MGAT5: variants seen among roughly 807,000 people sequenced by gnomAD.
MGAT5 encodes the protein alpha-1,6-mannosylglycoprotein 6-beta-N-acetylglucosaminyltransferase A.
MGAT5 carries 30 observed loss-of-function variants against 94.3 expected under a neutral mutation model. The observed-to-expected ratio is 0.32, with a 90% CI of 0.24 to 0.43. The LOEUF (loss-of-function observed/expected upper bound fraction) is 0.43, where lower values mean the gene tolerates loss of function less well. Ranked by LOEUF, MGAT5 falls within the 20% of genes least tolerant of loss-of-function variation. The pLI, the probability that MGAT5 is intolerant of heterozygous loss-of-function variation, is 1.00. For synonymous variants in MGAT5, 310 were observed against 322.9 expected (o/e 0.96, Z 0.43); for missense variants, 691 against 905.5 (o/e 0.76, Z 3.04).
chr2:134,313,245 C>T (rs1171220076), intron 2 of MGAT5, among the ~76,000 whole-genome samples: 1 of 152,140 alleles, frequency 6.6e-6, no homozygotes, highest in Non-Finnish European at 1.5e-5. Context: ...GGAACACCCC[C>T]GCTGCGTGTA....
intron 14 of MGAT5, 139 bp from the exon 15 acceptor site, chr2:134,441,619 C>G: frequency 1.0e-6 from 1 of 1,003,874 alleles, no homozygotes; most frequent in Non-Finnish European, 1.5e-6. Flanking sequence ...CCCAATCCAG[C>G]CCATCCATGT....
intron 10 of MGAT5, among the ~76,000 whole-genome samples, chr2:134,371,914 C>A (rs1035904329): frequency 6.7e-6 from 1 of 149,998 alleles, no homozygotes; most frequent in Admixed American, 6.7e-5. Flanking sequence ...TTCTTAGAAC[C>A]TAGGTCTGTG....
chr2:134,265,369 C>G (rs1023851502), intron 1 of MGAT5, among the ~76,000 whole-genome samples: 9 of 152,178 alleles, frequency 5.9e-5, no homozygotes, highest in African/African-American at 1.9e-4. Context: ...GTTATAGCTC[C>G]TTGGCTGTCT....
At chr2:134,199,476 A>T (rs7601425) in intron 1 of MGAT5, among the ~76,000 whole-genome samples, 20 of 151,338 alleles carry the variant, frequency 1.3e-4, no homozygotes, top group African/African-American at 4.8e-4. Context: ...TGCTGGCTGC[A>T]ACTGTATTTT....
chr2:134,207,453 C>T (rs1680067889), intron 1 of MGAT5, among the ~76,000 whole-genome samples: 1 of 152,006 alleles, frequency 6.6e-6, no homozygotes, highest in Non-Finnish European at 1.5e-5. Flanking sequence ...TGTCATTCAG[C>T]GGTTACCATG....
chr2:134,254,577 C>G lies in MGAT5; in HGVS notation c.174C>G (p.Ile58Met), dbSNP rs755103763. The change falls in exon 1 of 16, where the codon ATC becomes ATG. Residue 58 changes from isoleucine to methionine, a missense_variant. Ile to Met is a conservative substitution (Grantham distance 10, BLOSUM62 1). Around this residue, in one of 4 missense-constraint regions of MGAT5, gnomAD observed 307 missense variants for 335.4 expected, o/e 0.92. Coordinates refer to ENST00000281923, the MANE Select transcript of MGAT5 (RefSeq NM_002410.5). ...EQILDLSKRY[I>M]KALAEENRNV... Reference sequence around the variant, plus strand: ...TCCTGGACCTCAGCAAAAGGTACATCAAGGCACTGGCAGAAGAAAACAGGA... The same window carrying G: ...TCCTGGACCTCAGCAAAAGGTACATGAAGGCACTGGCAGAAGAAAACAGGA... 12 of 1,614,068 alleles carry G rather than the reference C, an allele frequency of 7.4e-6. No homozygotes were observed. The highest frequency in any genetic ancestry group is 1.0e-5 in the Non-Finnish European group (12 of 1,180,048).
rs535354154 is a variant in MGAT5 at position 134,305,082 on chromosome 2, C to A, written c.407-12447C>A. 6.1e-5 allele frequency among the ~76,000 whole-genome samples: 9 copies of A among 147,978 alleles called. No homozygotes were observed. In the East Asian group the frequency reaches 7.8e-4, roughly 13 times the overall value. On this transcript the variant is annotated intron_variant, in intron 2 of 15. Transcript: ENST00000281923. ...TTTGAAATATTCTGGCTTTCAGCTT[C>A]TTTTATACATTCTCTCTGTCCTACT...
chr2:134,444,613 T>A (rs532071958), intron 15 of MGAT5, among the ~76,000 whole-genome samples: 2 of 152,378 alleles, frequency 1.3e-5, no homozygotes, highest in South Asian at 4.1e-4. Flanking sequence ...AATTAGCAGT[T>A]CCTGCAAGCC....
intron 2 of MGAT5, among the ~76,000 whole-genome samples, chr2:134,298,328 C>T (rs1205299368): frequency 2.0e-5 from 3 of 152,130 alleles, no homozygotes. Context: ...GAACTCCCGA[C>T]CTCAAGTGAT....
intron 10 of MGAT5, among the ~76,000 whole-genome samples, chr2:134,400,628 T>G (rs1682988301): frequency 6.6e-6 from 1 of 152,204 alleles, no homozygotes; most frequent in African/African-American, 2.4e-5. Flanking sequence ...CTTGAGTCTG[T>G]CTACAGTGGA....
At chr2:134,286,437 T>TC (rs1183711220) in intron 2 of MGAT5, among the ~76,000 whole-genome samples, 1 of 151,722 alleles carries the variant, frequency 6.6e-6, no homozygotes, top group Non-Finnish European at 1.5e-5. Flanking sequence ...GATTTCTTTT[T>TC]CTTTTTTTTT....
rs560079293 is a variant in MGAT5, at chr2:134,436,799, C to T, written c.1870-4959C>T. 1.1e-4 allele frequency among the ~76,000 whole-genome samples: 17 copies of T among 152,286 alleles called. No homozygotes were observed. In the East Asian group the frequency reaches 2.7e-3, roughly 24 times the overall value. On this transcript the variant is annotated intron_variant, in intron 14 of 15. Coordinates refer to ENST00000281923, the MANE Select transcript of MGAT5 (RefSeq NM_002410.5). ...GCCAGCATTCTGCTCAGCTCCATGT[C>T]TTACTATCTGTTAGCCTCACTCTTT...
At chr2:134,207,357 G>A (rs1055143281) in intron 1 of MGAT5, among the ~76,000 whole-genome samples, 1 of 152,114 alleles carries the variant, frequency 6.6e-6, no homozygotes, top group Non-Finnish European at 1.5e-5. Context: ...GACATCTTTA[G>A]GAGCTGTTAT....
chr2:134,453,340 T>A lies in MGAT5; in HGVS notation c.*4493T>A, dbSNP rs971349382. 1.8e-4 allele frequency: 27 copies of A among 152,148 alleles called. No individual in the cohort carries two copies. The highest frequency in any genetic ancestry group is 6.5e-4 in the African/African-American group (27 of 41,400). 9.4% of individuals were successfully genotyped at this position (152,148 alleles called of 1,614,324 possible). On this transcript the variant is annotated 3_prime_UTR_variant, in exon 16 of 16. Transcript: ENST00000281923. The stretch of plus-strand genomic sequence containing the variant: ...CCCCAAGGAAACAAGGCTGCAAGAA[T>A]TTATGAACTCCAGCTGGAAAAGGTA...
intron 1 of MGAT5, among the ~76,000 whole-genome samples, chr2:134,215,937 A>G (rs1324657014): frequency 6.6e-6 from 1 of 152,108 alleles, no homozygotes; most frequent in Non-Finnish European, 1.5e-5. Context: ...TTTTAATCCC[A>G]TCCTTTATTT....
intron 5 of MGAT5, 31 bp from the exon 6 acceptor site, chr2:134,338,228 T>C: frequency 6.5e-7 from 1 of 1,543,462 alleles, no homozygotes. Context: ...CTTTTTATCT[T>C]CTATTCATTT....
chr2:134,314,644 C>T (rs1686893309), intron 2 of MGAT5, among the ~76,000 whole-genome samples: 1 of 152,278 alleles, frequency 6.6e-6, no homozygotes, highest in African/African-American at 2.4e-5. Context: ...CTAACAAAAT[C>T]CTGACTAGGC....
Position 134,268,585 on chromosome 2 carries a change from A to G in MGAT5, c.242-1801A>G, listed in dbSNP as rs946007723. ...GGAGAGTGCTCTCATGACCCCTTGG[A>G]TAAAGCAGTGAAGCTTTGCATCACC... is the stretch of plus-strand genomic sequence containing the variant. On this transcript the variant is annotated intron_variant, in intron 1 of 15. Coordinates refer to ENST00000281923, the MANE Select transcript of MGAT5 (RefSeq NM_002410.5). The surrounding 1 kb of genome is among the most constrained non-coding windows in gnomAD (Gnocchi z 4.1). Among the ~76,000 whole-genome samples the G allele has an allele frequency of 1.6e-4, 24 of 152,360 alleles. No homozygotes were observed. Among genetic ancestry groups the G allele is most frequent in the Admixed American group, 1.4e-3 (22 of 15,302 alleles).
chr2:134,123,559 C>T (rs1030253874), intron 1 of MGAT5, among the ~76,000 whole-genome samples: 8 of 152,182 alleles, frequency 5.3e-5, no homozygotes, highest in African/African-American at 1.4e-4. Context: ...TCATGGGCTC[C>T]TGGCCCTAGG....
Sources: allele counts gnomAD v4.1 joint callset (sites outside exome capture counted in the v4.1 genomes callset), GRCh38; gene constraint gnomAD v4.1.1; regional missense constraint gnomAD v4.1.1; non-coding constraint Gnocchi (gnomAD v3.1); transcripts MANE v1.5; gene names NCBI Gene and HGNC (gene_info 2026-07-23, HGNC 2026-07-21).